The following MTF2 variants were observed in gnomAD, a reference collection of about 807,000 sequenced individuals.
MTF2 encodes the protein metal-response element-binding transcription factor 2.
A neutral mutation model predicts 79.5 loss-of-function variants in MTF2; 11 were observed. The observed-to-expected ratio is 0.14, with a 90% confidence interval of 0.09 to 0.23. The LOEUF is 0.23. MTF2 is among the 10% of genes least tolerant of loss of function. The pLI is 1.00. For synonymous variants in MTF2, 208 were observed against 232.8 expected (o/e 0.89, Z 0.97); for missense variants, 486 against 711.2 (o/e 0.68, Z 3.60).
intron 9 of MTF2, among the ~76,000 whole-genome samples, chr1:93,124,912 A>C (rs1038819513): frequency 2.0e-5 from 3 of 151,990 alleles, no homozygotes; most frequent in Non-Finnish European, 4.4e-5. Flanking sequence ...CTTCTAATGT[A>C]GATTATCTGA....
chr1:93,119,455 A>G, intron 8 of MTF2, 54 bp downstream of exon 8: 2 of 1,327,764 alleles, frequency 1.5e-6, no homozygotes, highest in Non-Finnish European at 1.0e-6. Context: ...TTAAACCTAC[A>G]AGTTGAAACT....
At chr1:93,097,661 G>A (rs991634107) in intron 1 of MTF2, among the ~76,000 whole-genome samples, 2 of 151,930 alleles carry the variant, frequency 1.3e-5, no homozygotes, top group East Asian at 1.9e-4. Flanking sequence ...GTAGCGGTGC[G>A]ATCTCAGCTC....
intron 1 of MTF2, among the ~76,000 whole-genome samples, chr1:93,096,764 G>A (rs771905914): frequency 3.4e-5 from 5 of 148,344 alleles, no homozygotes; most frequent in Non-Finnish European, 7.5e-5. Context: ...TTCTTCTTTG[G>A]CCCATGGATT....
chr1:93,127,407 C>G, intron 10 of MTF2, 108 bp downstream of exon 10: 1 of 681,676 alleles, frequency 1.5e-6, no homozygotes, highest in Middle Eastern at 3.6e-4. Context: ...GAAGTCTATA[C>G]CATTTTAAAC....
chr1:93,137,132 A>AG lies in MTF2; in HGVS notation c.*106dup, dbSNP rs773984764. 17 of 956,350 alleles carry AG rather than the reference A, an allele frequency of 1.8e-5. No individual in the cohort carries two copies. The highest frequency in any genetic ancestry group is 2.3e-5 in the Non-Finnish European group (15 of 655,628). 59.2% of individuals were successfully genotyped at this position (956,350 alleles called of 1,614,324 possible). A position where few individuals can be genotyped will look rare whatever the true frequency, so the allele number is the denominator to read the frequency against. On this transcript the variant is annotated 3_prime_UTR_variant, in exon 15 of 15. Transcript: ENST00000370298. Reference sequence around the variant, plus strand: ...ACTATCTTTCTTAAAAAAAAAAAAAAGTCAAAAAAATTCAAAAAAGGGGAT... The same window carrying AG: ...ACTATCTTTCTTAAAAAAAAAAAAAAGGTCAAAAAAATTCAAAAAAGGGGAT...
Position 93,129,311 on chromosome 1 carries a change from G to A in MTF2, c.1023G>A (p.Lys341=), listed in dbSNP as rs779002273. ...CTGGGAAAGAAATAAAGAAGAAGAA[G>A]CATTTGTTTGGGTTGCGAATTCGTG... ...FMSGKEIKKK[K]HLFGLRIRVP... The change falls in exon 11 of 15, where the codon AAG becomes AAA. Residue 341 remains lysine, a synonymous_variant. Coordinates refer to ENST00000370298, the MANE Select transcript of MTF2 (RefSeq NM_007358.4). The A allele has an allele frequency of 1.3e-6, 2 of 1,579,042 alleles. No individual in the cohort carries two copies. The highest frequency in any genetic ancestry group is 2.2e-5 in the East Asian group (1 of 44,490).
At chr1:93,114,862 G>T in intron 4 of MTF2, 79 bp downstream of exon 4, 1 of 1,285,674 alleles carries the variant, frequency 7.8e-7, no homozygotes, top group South Asian at 1.4e-5. Context: ...ACTTTACATT[G>T]ATAATTTGAA....
At chr1:93,106,107 C>T (rs779593082) in intron 1 of MTF2, among the ~76,000 whole-genome samples, 7 of 152,010 alleles carry the variant, frequency 4.6e-5, no homozygotes, top group Non-Finnish European at 7.4e-5. Flanking sequence ...TCAAGGGTAA[C>T]TATAATTAGG....
intron 7 of MTF2, 88 bp from the exon 8 acceptor site, chr1:93,119,245 G>A (rs1015738309): frequency 3.5e-6 from 3 of 855,032 alleles, no homozygotes; most frequent in Admixed American, 2.8e-5. Flanking sequence ...TCAGCTGTAG[G>A]TTATTCACTT....
chr1:93,130,032 A>G (rs1048318175), intron 11 of MTF2, among the ~76,000 whole-genome samples: 2 of 152,212 alleles, frequency 1.3e-5, no homozygotes, highest in African/African-American at 4.8e-5. Context: ...AAAGAATGAG[A>G]ATGTTATAAC....
chr1:93,088,588 CAG>C (rs1654944349), intron 1 of MTF2, among the ~76,000 whole-genome samples: 1 of 152,018 alleles, frequency 6.6e-6, no homozygotes, highest in Non-Finnish European at 1.5e-5. Flanking sequence ...TTTTTTGAGA[CAG>C]AATCTCACTT....
At chr1:93,094,760 C>T (rs1434102173) in intron 1 of MTF2, among the ~76,000 whole-genome samples, 2 of 152,156 alleles carry the variant, frequency 1.3e-5, no homozygotes, top group Non-Finnish European at 2.9e-5. Context: ...TCTTGCTGTG[C>T]TCTTAGCAGC....
Position 93,137,240 on chromosome 1 carries a change from A to AT in MTF2, c.*219dup. The AT allele has an allele frequency of 2.4e-6, 1 of 419,592 alleles. No individual in the cohort carries two copies. Among genetic ancestry groups the AT allele is most frequent in the Non-Finnish European group, 4.2e-6 (1 of 236,666 alleles). The allele number at this position is 419,592 out of a possible 1,614,324, so 26.0% of individuals were successfully genotyped here. A position where few individuals can be genotyped will look rare whatever the true frequency, so the allele number is the denominator to read the frequency against. On this transcript the variant is annotated 3_prime_UTR_variant, in exon 15 of 15. Transcript: ENST00000370298. ...TTTTAAAAATCAGAACAGAGACTTA[A>AT]TTTTTTAAATCTTAAGATTTGTAGA...
intron 1 of MTF2, among the ~76,000 whole-genome samples, chr1:93,103,154 G>A (rs1655618877): frequency 6.6e-6 from 1 of 151,380 alleles, no homozygotes; most frequent in Admixed American, 6.6e-5. Context: ...AATTATAATT[G>A]AAACTGGGTG....
intron 1 of MTF2, among the ~76,000 whole-genome samples, chr1:93,095,401 T>C: frequency 6.6e-6 from 1 of 152,134 alleles, no homozygotes; most frequent in Non-Finnish European, 1.5e-5. Context: ...AGTGCAATGG[T>C]GCAATCTTGG....
At position 93,097,923 on chromosome 1, in the gene MTF2, G is replaced by A. The variant is rs114530927; in HGVS notation, c.6-12307G>A. Among the ~76,000 whole-genome samples the A allele has an allele frequency of 8.3e-3, 1,263 of 152,124 alleles. 17 individuals are homozygous for A. The highest frequency in any genetic ancestry group is 0.029 in the African/African-American group (1,208 of 41,504). ...CTTTTTTTATTAATAGATTATTGCA[G>A]ATTTATTTGGGTTCCCATCTTTTTC... On this transcript the variant is annotated intron_variant, in intron 1 of 14. Coordinates refer to ENST00000370298, the MANE Select transcript of MTF2 (RefSeq NM_007358.4).
rs1231239122 is a variant in MTF2, at chr1:93,137,706, A to T, written c.*679A>T. 4 of 152,168 alleles carry T rather than the reference A, an allele frequency of 2.6e-5. No individual in the cohort carries two copies. Among genetic ancestry groups the T allele is most frequent in the African/African-American group, 4.8e-5 (2 of 41,442 alleles). The allele number at this position is 152,168 out of a possible 1,614,324, so 9.4% of individuals were successfully genotyped here. ...GGCAGCTTTGGAGTATATATCCCATAATTCTTTTTTCAGGAATAGTTGCAG... is the reference window on the plus strand; with the variant it reads ...GGCAGCTTTGGAGTATATATCCCATTATTCTTTTTTCAGGAATAGTTGCAG... On this transcript the variant is annotated 3_prime_UTR_variant, in exon 15 of 15. Transcript: ENST00000370298.
chr1:93,082,693 T>G (rs1654656681), intron 1 of MTF2, among the ~76,000 whole-genome samples: 1 of 152,252 alleles, frequency 6.6e-6, no homozygotes, highest in South Asian at 2.1e-4. Context: ...ATATAATTTA[T>G]ATACTATAGT....
Position 93,136,707 on chromosome 1 carries a change from T to A in MTF2, c.1462T>A (p.Ser488Thr), listed in dbSNP as rs1647415908. ...CAGAAAAAGAACGCGTACAGGAAGA[T>A]CTTGGCCTGCTGCAATACCACATTT... is the stretch of plus-strand genomic sequence containing the variant. Reference protein sequence around the residue: ...DSRKRTRTGRSWPAAIPHLRR... With the variant: ...DSRKRTRTGRTWPAAIPHLRR... The change falls in exon 15 of 15, where the codon TCT (serine) becomes ACT (threonine). Residue 488 changes from serine to threonine, a missense_variant. Ser to Thr is a moderately conservative substitution (Grantham distance 58). Transcript: ENST00000370298. 1 of 1,613,974 alleles carries A rather than the reference T, an allele frequency of 6.2e-7. No individual in the cohort carries two copies.
Sources: gnomAD v4.1 joint callset for allele counts (sites outside exome capture counted in the v4.1 genomes callset) on GRCh38, gnomAD v4.1.1 for gene constraint, MANE v1.5 for transcripts, NCBI Gene and HGNC (gene_info 2026-07-23, HGNC 2026-07-21) for gene names.